Variants in LRMDA observed in about 807,000 individuals in gnomAD.
LRMDA encodes leucine rich melanocyte differentiation associated, also known as leucine-rich melanocyte differentiation-associated protein.
Under a neutral mutation model 29.8 loss-of-function variants are expected in LRMDA, and 18 were observed. The observed-to-expected ratio is 0.60, with a 90% CI of 0.42 to 0.90. The LOEUF is 0.90. Among genes scored for constraint, LRMDA ranks in the 40% least tolerant of loss-of-function variants. The pLI, the probability that LRMDA is intolerant of heterozygous loss-of-function variation, is 0.00. For synonymous variants in LRMDA, 125 were observed against 109.4 expected (o/e 1.14, Z -0.89); for missense variants, 273 against 273.9 (o/e 1.00, Z 0.02).
chr10:75,440,684 C>T (rs1447632639), intron 2 of LRMDA, among the ~76,000 whole-genome samples: 1 of 152,108 alleles, frequency 6.6e-6, no homozygotes, highest in African/African-American at 2.4e-5. Flanking sequence ...CTATCTTTGC[C>T]TTCAGCTGAA....
At chr10:75,700,049 T>G (rs1161601058) in intron 2 of LRMDA, among the ~76,000 whole-genome samples, 1 of 152,206 alleles carries the variant, frequency 6.6e-6, no homozygotes, top group East Asian at 1.9e-4. Context: ...TCACCTTGAT[T>G]TCAGCCCCAT....
At chr10:75,528,446 G>T (rs1218420488) in intron 2 of LRMDA, among the ~76,000 whole-genome samples, 6 of 152,174 alleles carry the variant, frequency 3.9e-5, no homozygotes, top group African/African-American at 1.4e-4. Flanking sequence ...TGGATTTTGG[G>T]ACATTCTTCA....
rs1391058481 is a variant in LRMDA, at chr10:76,511,864, A to G, written c.602-45345A>G. Among the ~76,000 whole-genome samples the G allele has an allele frequency of 2.7e-5, 4 of 150,304 alleles. No individual in the cohort carries two copies. In the East Asian group the frequency reaches 7.8e-4, roughly 29 times the overall value. ...GGCTTTTTTTTTTTTGCAGAAATTGACCAGCTAATTTTAAAATTCATATTG... is the reference window on the plus strand; with the variant it reads ...GGCTTTTTTTTTTTTGCAGAAATTGGCCAGCTAATTTTAAAATTCATATTG... On this transcript the variant is annotated intron_variant, in intron 6 of 6. Transcript: ENST00000611255.
At chr10:76,362,236 G>A (rs1172725418) in intron 6 of LRMDA, among the ~76,000 whole-genome samples, 1 of 152,176 alleles carries the variant, frequency 6.6e-6, no homozygotes, top group African/African-American at 2.4e-5. Flanking sequence ...TGACATTCAA[G>A]GCACAAATGT....
intron 2 of LRMDA, among the ~76,000 whole-genome samples, chr10:75,522,359 A>G (rs530306174): frequency 6.6e-6 from 1 of 152,356 alleles, no homozygotes; most frequent in African/African-American, 2.4e-5. Context: ...GGGGTTGCAA[A>G]TTCAGAAGTC....
intron 2 of LRMDA, among the ~76,000 whole-genome samples, chr10:75,486,713 C>T (rs903499986): frequency 3.9e-5 from 6 of 152,150 alleles, no homozygotes; most frequent in African/African-American, 1.4e-4. Context: ...GGCACACACC[C>T]TCCTCCTTGG....
intron 6 of LRMDA, among the ~76,000 whole-genome samples, chr10:76,343,027 A>C (rs1040203749): frequency 6.6e-6 from 1 of 152,238 alleles, no homozygotes; most frequent in African/African-American, 2.4e-5. Context: ...ATTTCTAAGC[A>C]TAAATATTTC....
intron 4 of LRMDA, among the ~76,000 whole-genome samples, chr10:76,050,197 G>A (rs1234744136): frequency 6.6e-6 from 1 of 152,160 alleles, no homozygotes. Context: ...TCACATTGTG[G>A]CCAACCACTG....
intron 6 of LRMDA, among the ~76,000 whole-genome samples, chr10:76,382,134 A>G (rs897883961): frequency 2.0e-5 from 3 of 152,194 alleles, no homozygotes; most frequent in Non-Finnish European, 4.4e-5. Flanking sequence ...ATACCGTACT[A>G]CTTCTGGGTA....
intron 2 of LRMDA, among the ~76,000 whole-genome samples, chr10:75,722,128 C>T (rs988210692): frequency 3.3e-5 from 5 of 152,106 alleles, no homozygotes; most frequent in South Asian, 2.1e-4. Flanking sequence ...TTGAACTCCT[C>T]GTAACAAATG....
chr10:76,387,685 T>A (rs1362080907), intron 6 of LRMDA, among the ~76,000 whole-genome samples: 1 of 151,886 alleles, frequency 6.6e-6, no homozygotes, highest in Admixed American at 6.6e-5. Flanking sequence ...AAATTTAAAT[T>A]TTTTAAGTGA....
rs11001494 is a variant in LRMDA, at chr10:75,756,690, C to T, written c.132-279318C>T. Among the ~76,000 whole-genome samples, 1,125 of 152,192 alleles carry T rather than the reference C, an allele frequency of 7.4e-3. 20 individuals carry two copies. The highest frequency in any genetic ancestry group is 0.026 in the African/African-American group (1,071 of 41,514). On this transcript the variant is annotated intron_variant, in intron 2 of 6. Coordinates refer to ENST00000611255, the MANE Select transcript of LRMDA (RefSeq NM_001305581.2). The stretch of plus-strand genomic sequence containing the variant: ...TCCATTTCTCCCCTAAGCCCTTTGC[C>T]TACATGTTTTCTCTTAATCTGTACA...
intron 5 of LRMDA, among the ~76,000 whole-genome samples, chr10:76,322,006 G>T (rs1262956553): frequency 6.6e-6 from 1 of 152,162 alleles, no homozygotes; most frequent in African/African-American, 2.4e-5. Context: ...TAGTCTTGAA[G>T]ATTCATATTT....
chr10:76,109,459 T>G (rs1470568601), intron 5 of LRMDA, among the ~76,000 whole-genome samples: 1 of 152,224 alleles, frequency 6.6e-6, no homozygotes, highest in East Asian at 1.9e-4. Flanking sequence ...CATTTTTTCC[T>G]TCTTTATCTT....
intron 2 of LRMDA, among the ~76,000 whole-genome samples, chr10:75,511,480 C>T (rs1307055627): frequency 1.3e-5 from 2 of 152,206 alleles, no homozygotes; most frequent in African/African-American, 2.4e-5. Context: ...CTCTCAGATA[C>T]CTTCCTGCTC....
intron 1 of LRMDA, among the ~76,000 whole-genome samples, chr10:75,432,551 A>G (rs1844212265): frequency 6.6e-6 from 1 of 152,122 alleles, no homozygotes; most frequent in Non-Finnish European, 1.5e-5. Flanking sequence ...TCTGTCTTTA[A>G]CCTCTTCTCT....
chr10:75,836,855 T>A (rs1405530354), intron 2 of LRMDA, among the ~76,000 whole-genome samples: 1 of 152,176 alleles, frequency 6.6e-6, no homozygotes, highest in Admixed American at 6.5e-5. Flanking sequence ...TTGGCCACAG[T>A]AGGAATTTAA....
intron 5 of LRMDA, among the ~76,000 whole-genome samples, chr10:76,141,605 A>C (rs1263025555): frequency 7.2e-5 from 11 of 152,138 alleles, no homozygotes; most frequent in African/African-American, 2.7e-4. Context: ...TTGAAAGATC[A>C]GTTCCATTCC....
chr10:75,550,776 T>A (rs1020824875), intron 2 of LRMDA, among the ~76,000 whole-genome samples: 2 of 152,096 alleles, frequency 1.3e-5, no homozygotes, highest in African/African-American at 4.8e-5. Context: ...TATATATTTA[T>A]GATTTCATTT....
Sources: allele counts gnomAD v4.1 joint callset (sites outside exome capture counted in the v4.1 genomes callset), GRCh38; gene constraint gnomAD v4.1.1; transcripts MANE v1.5; gene names NCBI Gene and HGNC (gene_info 2026-07-23, HGNC 2026-07-21).